SPMAP2L: variants seen among roughly 807,000 people sequenced by gnomAD.
SPMAP2L encodes the protein sperm microtubule associated protein 2-like.
chr4:56,550,283 T>A, the SPMAP2L span, among the ~76,000 whole-genome samples: 5 of 152,276 alleles, frequency 3.3e-5, no homozygotes, highest in Admixed American at 3.3e-4. Context: ...CCACCACACC[T>A]GGCTGTATTT....
At chr4:56,603,396 G>A in the SPMAP2L span, 7 of 1,098,302 alleles carry the variant, frequency 6.4e-6, no homozygotes, top group Non-Finnish European at 8.7e-6. Context: ...GTTCCCTGTT[G>A]CGGTACTGTC....
At chr4:56,562,001 G>A in the SPMAP2L span, among the ~76,000 whole-genome samples, 3 of 152,126 alleles carry the variant, frequency 2.0e-5, no homozygotes, top group African/African-American at 7.2e-5. Context: ...TGGGATTACA[G>A]GCATGAGCCA....
chr4:56,584,987 T>C, the SPMAP2L span, among the ~76,000 whole-genome samples: 40,561 of 152,012 alleles, frequency 0.27, 7,188 homozygotes, highest in African/African-American at 0.5. Flanking sequence ...GAAGCCTCTA[T>C]GGGTTCTTTA....
the SPMAP2L span, among the ~76,000 whole-genome samples, chr4:56,591,460 T>C: frequency 6.6e-6 from 1 of 152,214 alleles, no homozygotes; most frequent in Non-Finnish European, 1.5e-5. Context: ...GTTAGTATCA[T>C]CATCATAATC....
the SPMAP2L span, chr4:56,594,463 G>C: frequency 6.2e-7 from 1 of 1,605,980 alleles, no homozygotes; most frequent in South Asian, 1.1e-5. Flanking sequence ...AGAAGGATTT[G>C]TGTGAACTCA....
At chr4:56,558,385 T>C in the SPMAP2L span, among the ~76,000 whole-genome samples, 1 of 152,226 alleles carries the variant, frequency 6.6e-6, no homozygotes, top group Non-Finnish European at 1.5e-5. Flanking sequence ...GTGACTTTTG[T>C]TCATACTCTG....
At chr4:56,540,511 G>A in the SPMAP2L span, among the ~76,000 whole-genome samples, 2 of 151,994 alleles carry the variant, frequency 1.3e-5, no homozygotes, top group Non-Finnish European at 2.9e-5. Flanking sequence ...CCACTGCACT[G>A]CAGCCTGGGT....
the SPMAP2L span, among the ~76,000 whole-genome samples, chr4:56,557,267 A>G: frequency 0.12 from 17,738 of 149,996 alleles, 1,247 homozygotes; most frequent in Admixed American, 0.17. Context: ...CAAAAAAAAA[A>G]AAAAGAAAAG....
At chr4:56,544,274 C>A in the SPMAP2L span, among the ~76,000 whole-genome samples, 80 of 152,300 alleles carry the variant, frequency 5.3e-4, no homozygotes, top group African/African-American at 1.7e-3. Flanking sequence ...CAGGTGTGAA[C>A]CACCGTGCCC....
At chr4:56,599,137 A>AATACACTAAGTGTGTGTATATATGTATAT in the SPMAP2L span, among the ~76,000 whole-genome samples, 60 of 152,254 alleles carry the variant, frequency 3.9e-4, no homozygotes, top group Middle Eastern at 3.4e-3. Context: ...GTGAAAACAG[A>AATACACTAAGTGTGTGTATATATGTATAT]ATACACTAAG....
the SPMAP2L span, among the ~76,000 whole-genome samples, chr4:56,543,929 TGAGAGAGAGAGA>T: frequency 7.6e-6 from 1 of 131,358 alleles, no homozygotes; most frequent in African/African-American, 3.2e-5. Context: ...TGTGTGTATG[TGAGAGAGAGAGA>T]GAGAGAGAGT....
the SPMAP2L span, among the ~76,000 whole-genome samples, chr4:56,578,249 G>A: frequency 6.6e-6 from 1 of 152,174 alleles, no homozygotes; most frequent in African/African-American, 2.4e-5. Context: ...AGCTATATAG[G>A]AGCAAAGTTA....
At chr4:56,546,947 C>A in the SPMAP2L span, among the ~76,000 whole-genome samples, 1 of 152,046 alleles carries the variant, frequency 6.6e-6, no homozygotes, top group Non-Finnish European at 1.5e-5. Flanking sequence ...GTTCCATTTA[C>A]TTTTTTTTGT....
the SPMAP2L span, among the ~76,000 whole-genome samples, chr4:56,557,257 C>CA: frequency 7.5e-3 from 948 of 126,966 alleles, 13 homozygotes; most frequent in African/African-American, 0.026. Flanking sequence ...GACTCTGTCT[C>CA]AAAAAAAAAA....
At chr4:56,605,390 T>TA in the SPMAP2L span, among the ~76,000 whole-genome samples, 1 of 152,140 alleles carries the variant, frequency 6.6e-6, no homozygotes, top group African/African-American at 2.4e-5. Flanking sequence ...TATTCACCAA[T>TA]AAATGTAAAA....
the SPMAP2L span, among the ~76,000 whole-genome samples, chr4:56,571,165 A>G: frequency 6.6e-6 from 1 of 151,750 alleles, no homozygotes. Flanking sequence ...CTATTTTATA[A>G]TAACACTTAG....
the SPMAP2L span, among the ~76,000 whole-genome samples, chr4:56,565,395 A>T: frequency 0.27 from 40,696 of 152,120 alleles, 7,179 homozygotes; most frequent in African/African-American, 0.5. Flanking sequence ...CATCCCTAAT[A>T]AAAAAATCTG....
the SPMAP2L span, among the ~76,000 whole-genome samples, chr4:56,592,308 G>T: frequency 6.6e-6 from 1 of 152,232 alleles, no homozygotes; most frequent in African/African-American, 2.4e-5. Context: ...AAAGGTTGGG[G>T]ACCGCTGCTT....
At chr4:56,605,698 T>G in the SPMAP2L span, among the ~76,000 whole-genome samples, 1 of 152,100 alleles carries the variant, frequency 6.6e-6, no homozygotes, top group Non-Finnish European at 1.5e-5. Context: ...CAACCCCCTT[T>G]CGTGAGGAGT....
Sources: allele counts gnomAD v4.1 joint callset (sites outside exome capture counted in the v4.1 genomes callset), GRCh38; gene constraint gnomAD v4.1.1; transcripts MANE v1.5; gene names NCBI Gene and HGNC (gene_info 2026-07-23, HGNC 2026-07-21).